Variants in TRIM24 observed in about 807,000 individuals in gnomAD.
TRIM24 encodes transcription intermediary factor 1-alpha.
Under a neutral mutation model 123.9 loss-of-function variants are expected in TRIM24, and 29 were observed. The observed-to-expected ratio is 0.23, with a 90% CI of 0.17 to 0.32. The LOEUF (loss-of-function observed/expected upper bound fraction) is 0.32. Ranked by LOEUF, TRIM24 falls within the 10% of genes least tolerant of loss-of-function variation. The pLI, the probability that TRIM24 is intolerant of heterozygous loss-of-function variation, is 1.00. For missense variants in TRIM24, 932 were observed against 1,295.3 expected (o/e 0.72, Z 4.31); for synonymous variants, 456 against 461.1 (o/e 0.99, Z 0.14).
At position 138,554,145 on chromosome 7, in the gene TRIM24, C is replaced by T. The variant is rs528570340; in HGVS notation, c.1262-553C>T. 1.3e-5 allele frequency among the ~76,000 whole-genome samples: 2 copies of T among 152,266 alleles called. No homozygotes were observed. The highest frequency in any genetic ancestry group is 1.9e-4 in the East Asian group (1 of 5,188). On this transcript the variant is annotated intron_variant, in intron 8 of 18. Transcript: ENST00000343526. This position sits in a 1 kb window ranked among gnomAD's most constrained non-coding sequence, Gnocchi z 4.5. ...TAAAGAATGATAATCTCCGGGTTGG[C>T]CACTCCTAGGTTCCTTAACGCAGAA...
intron 9 of TRIM24, among the ~76,000 whole-genome samples, chr7:138,566,204 T>TG (rs1322350322): frequency 6.6e-6 from 1 of 152,168 alleles, no homozygotes; most frequent in African/African-American, 2.4e-5. Flanking sequence ...GGGTTGTTCT[T>TG]GGAGACTTTG....
In TRIM24 at chr7:138,460,490, T is replaced by C. The variant is rs1794933441; in HGVS notation, c.-59T>C. 1 of 1,251,544 alleles carries C rather than the reference T, an allele frequency of 8.0e-7. No individual in the cohort carries two copies. Among genetic ancestry groups the C allele is most frequent in the Admixed American group, 4.3e-5 (1 of 23,464 alleles). The allele number at this position is 1,251,544 out of a possible 1,614,324, so 77.5% of individuals were successfully genotyped here. A position where few individuals can be genotyped will look rare whatever the true frequency, so the allele number is the denominator to read the frequency against. On this transcript the variant is annotated 5_prime_UTR_variant, in exon 1 of 19. Coordinates refer to ENST00000343526, the MANE Select transcript of TRIM24 (RefSeq NM_015905.3). ...CAGCCGCAGGAGGAGGAGGAGGTCGTCGGGGGCGGCGGGCGGAGACCGCGC... is the reference window on the plus strand; with the variant it reads ...CAGCCGCAGGAGGAGGAGGAGGTCGCCGGGGGCGGCGGGCGGAGACCGCGC...
At chr7:138,507,528 C>T (rs114901662) in intron 2 of TRIM24, among the ~76,000 whole-genome samples, 1,997 of 151,878 alleles carry the variant, frequency 0.013, 42 homozygotes, top group African/African-American at 0.046. Context: ...TCACCATGTT[C>T]GCCAGACTGG....
intron 7 of TRIM24, among the ~76,000 whole-genome samples, chr7:138,547,770 A>C (rs1051291950): frequency 6.6e-6 from 1 of 151,988 alleles, no homozygotes; most frequent in African/African-American, 2.4e-5. Context: ...CAGCCTCCCA[A>C]GTATCTGTGA....
intron 2 of TRIM24, among the ~76,000 whole-genome samples, chr7:138,506,046 A>G (rs1194655134): frequency 6.6e-6 from 1 of 152,244 alleles, no homozygotes; most frequent in Non-Finnish European, 1.5e-5. Context: ...TCAGGACTCT[A>G]GTAATCACAT....
rs748249475 is a variant in TRIM24 at position 138,498,558 on chromosome 7, G to A, written c.365-5732G>A. 8.1e-4 allele frequency among the ~76,000 whole-genome samples: 123 copies of A among 152,118 alleles called. 1 individual carries two copies. Among genetic ancestry groups the A allele is most frequent in the Admixed American group, 3.3e-4 (5 of 15,272 alleles). On this transcript the variant is annotated intron_variant, in intron 1 of 18. Coordinates refer to ENST00000343526, the MANE Select transcript of TRIM24 (RefSeq NM_015905.3). ...GGTTTAGCTATAAATTTATTTACAC[G>A]TTTTATTTTCCTGTATATGTTATAT...
At chr7:138,559,772 G>T (rs545308977) in intron 9 of TRIM24, among the ~76,000 whole-genome samples, 28 of 152,314 alleles carry the variant, frequency 1.8e-4, no homozygotes, top group Non-Finnish European at 3.7e-4. Flanking sequence ...CACAGTTCCT[G>T]CAACTTTAAC....
rs1563043567 is a variant in TRIM24 at position 138,519,338 on chromosome 7, T to A, written c.764+17T>A. 4 of 1,586,586 alleles carry A rather than the reference T, an allele frequency of 2.5e-6. No individual in the cohort carries two copies. The East Asian group carries it at 9.0e-5, about 36-fold the overall frequency. On this transcript the variant is annotated intron_variant, in intron 4 of 18. Coordinates refer to ENST00000343526, the MANE Select transcript of TRIM24 (RefSeq NM_015905.3). ...AGAGCATAGGTACCAGCATCTTTGG[T>A]TATATATATAGATTCATATGCAGCT...
At chr7:138,569,359 T>G (rs985052687) in intron 10 of TRIM24, among the ~76,000 whole-genome samples, 3 of 151,972 alleles carry the variant, frequency 2.0e-5, no homozygotes, top group African/African-American at 7.3e-5. Flanking sequence ...AAAAATCTAC[T>G]GGGAAATTGC....
intron 1 of TRIM24, among the ~76,000 whole-genome samples, chr7:138,463,023 CCACGTCCG>C (rs1184691561): frequency 6.7e-6 from 1 of 148,918 alleles, no homozygotes; most frequent in Non-Finnish European, 1.5e-5. Context: ...GCATGCGCCA[CCACGTCCG>C]GCTAATTTTG....
At chr7:138,462,876 A>T (rs9655908) in intron 1 of TRIM24, among the ~76,000 whole-genome samples, 103,276 of 144,442 alleles carry the variant, frequency 0.71, 36,886 homozygotes, top group Non-Finnish European at 0.76. Context: ...TTATTTATTT[A>T]TTTTTTTTTT....
Position 138,460,713 on chromosome 7 carries a change from T to G in TRIM24, c.165T>G (p.Thr55=), listed in dbSNP as rs376495433. Residue 55 remains threonine (T), a synonymous_variant, in exon 1 of 19, where the codon ACT becomes ACG. Coordinates refer to ENST00000343526, the MANE Select transcript of TRIM24 (RefSeq NM_015905.3). The part of the protein sequence containing the change: ...GEAARLNLLD[T]CAVCHQNIQS... ...CGGCCCGGCTCAACCTGTTGGACAC[T>G]TGCGCCGTGTGCCACCAGAACATCC... is the stretch of plus-strand genomic sequence containing the variant. 2.5e-5 allele frequency: 39 copies of G among 1,569,924 alleles called. No individual in the cohort carries two copies. The highest frequency in any genetic ancestry group is 3.3e-5 in the Non-Finnish European group (38 of 1,161,876).
At chr7:138,549,109 T>C (rs1797160262) in intron 7 of TRIM24, among the ~76,000 whole-genome samples, 1 of 152,224 alleles carries the variant, frequency 6.6e-6, no homozygotes, top group Admixed American at 6.5e-5. Flanking sequence ...CACTGTAGGT[T>C]TGTTTACACC....
chr7:138,507,274 T>C (rs189586201), intron 2 of TRIM24, among the ~76,000 whole-genome samples: 90 of 152,270 alleles, frequency 5.9e-4, no homozygotes, highest in African/African-American at 2.1e-3. Flanking sequence ...CCATCAACTC[T>C]TGTTTTGTGC....
intron 1 of TRIM24, among the ~76,000 whole-genome samples, chr7:138,485,250 TTAATC>T (rs1795618362): frequency 6.6e-6 from 1 of 152,188 alleles, no homozygotes; most frequent in African/African-American, 2.4e-5. Context: ...ATTTACTACT[TTAATC>T]ATATTCAAGT....
intron 5 of TRIM24, among the ~76,000 whole-genome samples, chr7:138,528,398 A>C (rs1318494251): frequency 2.0e-5 from 3 of 152,230 alleles, no homozygotes; most frequent in African/African-American, 7.2e-5. Flanking sequence ...CTAGCTTCTT[A>C]GATAATATTA....
At chr7:138,466,361 T>G (rs1410118983) in intron 1 of TRIM24, among the ~76,000 whole-genome samples, 3 of 152,144 alleles carry the variant, frequency 2.0e-5, no homozygotes, top group Non-Finnish European at 1.5e-5. Context: ...TTGGTTTTCA[T>G]TTCTCTGATG....
intron 2 of TRIM24, among the ~76,000 whole-genome samples, chr7:138,509,332 T>A (rs1796235439): frequency 6.7e-6 from 1 of 148,492 alleles, no homozygotes; most frequent in South Asian, 2.1e-4. Context: ...ATATATATAA[T>A]ATATTATATG....
intron 8 of TRIM24, among the ~76,000 whole-genome samples, chr7:138,553,469 A>T (rs946460280): frequency 6.6e-6 from 1 of 152,200 alleles, no homozygotes; most frequent in African/African-American, 2.4e-5. Context: ...GAATAACTGT[A>T]TATTTTTAGA....
Sources: allele counts gnomAD v4.1 joint callset (sites outside exome capture counted in the v4.1 genomes callset), GRCh38; gene constraint gnomAD v4.1.1; non-coding constraint Gnocchi (gnomAD v3.1); transcripts MANE v1.5; gene names NCBI Gene and HGNC (gene_info 2026-07-23, HGNC 2026-07-21).